The following SRBD1 variants were observed in gnomAD, a reference collection of about 807,000 sequenced individuals.
SRBD1 encodes S1 RNA binding domain 1.
A neutral mutation model predicts 115.3 loss-of-function variants in SRBD1; 88 were observed. That is an observed-to-expected ratio of 0.76 (90% confidence interval 0.64 to 0.91). SRBD1 has a LOEUF of 0.91. Ranked by LOEUF, SRBD1 falls within the 40% of genes least tolerant of loss-of-function variation. The pLI, the probability that SRBD1 is intolerant of heterozygous loss-of-function variation, is 0.00. For synonymous variants in SRBD1, 509 were observed against 407.7 expected (o/e 1.25, Z -2.99); for missense variants, 1,385 against 1,177.4 (o/e 1.18, Z -2.58).
chr2:45,419,720 G>A (rs928402246), intron 17 of SRBD1, 68 bp downstream of exon 17: 1 of 1,394,052 alleles, frequency 7.2e-7, no homozygotes, highest in Non-Finnish European at 1.0e-6. Context: ...CCTTCTTCTA[G>A]CCGAGTTTGG....
chr2:45,555,306 G>C (rs1412694345), intron 10 of SRBD1, among the ~76,000 whole-genome samples: 1 of 152,102 alleles, frequency 6.6e-6, no homozygotes, highest in African/African-American at 2.4e-5. Flanking sequence ...GATCACTTGA[G>C]CCCAGGAGGT....
chr2:45,505,052 C>T (rs1670756169), intron 14 of SRBD1, among the ~76,000 whole-genome samples: 1 of 151,800 alleles, frequency 6.6e-6, no homozygotes, highest in South Asian at 2.1e-4. Flanking sequence ...CACATAAACA[C>T]AACCGAGTCT....
intron 16 of SRBD1, among the ~76,000 whole-genome samples, chr2:45,436,713 C>A (rs370906810): frequency 1.3e-5 from 2 of 152,104 alleles, no homozygotes; most frequent in African/African-American, 2.4e-5. Flanking sequence ...GGGAAACCAC[C>A]CCCATGATCC....
intron 14 of SRBD1, among the ~76,000 whole-genome samples, chr2:45,513,792 TTTTG>T (rs1044797484): frequency 3.3e-5 from 5 of 152,112 alleles, no homozygotes; most frequent in African/African-American, 7.2e-5. Flanking sequence ...AACAGTTTTT[TTTTG>T]TTTGTTTGTT....
chr2:45,457,650 T>G lies in SRBD1; in HGVS notation c.2049+19343A>C, dbSNP rs145312148. On this transcript the variant is annotated intron_variant, in intron 16 of 20. Transcript: ENST00000263736. ...AGAAATGTCATTCTCACGGCGTATG[T>G]TAAAAAAATACCCCGACAAACACTT... Among the ~76,000 whole-genome samples, 305 of 152,110 alleles carry G rather than the reference T, an allele frequency of 2.0e-3. 2 individuals are homozygous for G. Among genetic ancestry groups the G allele is most frequent in the African/African-American group, 7.2e-3 (300 of 41,526 alleles).
chr2:45,496,593 T>C (rs3770275), intron 14 of SRBD1, among the ~76,000 whole-genome samples: 6,176 of 152,288 alleles, frequency 0.041, 223 homozygotes, highest in East Asian at 0.13. Context: ...CAATGGTTTC[T>C]GCTACATTCA....
intron 14 of SRBD1, among the ~76,000 whole-genome samples, chr2:45,509,456 C>T (rs978330533): frequency 5.9e-5 from 9 of 151,966 alleles, no homozygotes; most frequent in Admixed American, 2.0e-4. Flanking sequence ...ATTAGCCGGG[C>T]GCGGTGGTGG....
At chr2:45,513,387 C>G (rs559575532) in intron 14 of SRBD1, among the ~76,000 whole-genome samples, 2 of 150,582 alleles carry the variant, frequency 1.3e-5, no homozygotes, top group South Asian at 4.2e-4. Context: ...AGATTACAAG[C>G]TGAAAGTTCC....
intron 18 of SRBD1, 135 bp downstream of exon 18, chr2:45,418,230 A>C: frequency 1.0e-6 from 1 of 973,464 alleles, no homozygotes; most frequent in African/African-American, 1.6e-5. Flanking sequence ...ACCAAAGGAC[A>C]GTCACTCAAC....
At chr2:45,438,271 T>C (rs930314846) in intron 16 of SRBD1, among the ~76,000 whole-genome samples, 1 of 152,208 alleles carries the variant, frequency 6.6e-6, no homozygotes, top group Non-Finnish European at 1.5e-5. Context: ...AATTCAATAC[T>C]CTTTAAAGGA....
At chr2:45,436,045 G>T (rs1310871258) in intron 16 of SRBD1, among the ~76,000 whole-genome samples, 1 of 151,662 alleles carries the variant, frequency 6.6e-6, no homozygotes, top group African/African-American at 2.4e-5. Context: ...TCTATAAGAA[G>T]AATTATACAC....
At chr2:45,456,565 G>A (rs1270217029) in intron 16 of SRBD1, among the ~76,000 whole-genome samples, 1 of 151,824 alleles carries the variant, frequency 6.6e-6, no homozygotes, top group Non-Finnish European at 1.5e-5. Flanking sequence ...AATACATAAT[G>A]GGCATTTTGT....
At chr2:45,544,762 T>C (rs1189601142) in intron 14 of SRBD1, among the ~76,000 whole-genome samples, 1 of 152,156 alleles carries the variant, frequency 6.6e-6, no homozygotes, top group East Asian at 1.9e-4. Context: ...AGACATATAA[T>C]TTATATTTAT....
At chr2:45,537,162 ACATGAATCTGGATAG>A in intron 14 of SRBD1, among the ~76,000 whole-genome samples, 1 of 152,236 alleles carries the variant, frequency 6.6e-6, no homozygotes. Context: ...GATAAAGAGA[ACATGAATCTGGATAG>A]TATGGATAAA....
At chr2:45,505,999 T>C (rs1192812165) in intron 14 of SRBD1, among the ~76,000 whole-genome samples, 1 of 152,198 alleles carries the variant, frequency 6.6e-6, no homozygotes, top group Non-Finnish European at 1.5e-5. Context: ...TCTCCAGAGG[T>C]TAACACAATT....
chr2:45,407,685 G>T (rs1290389326), intron 19 of SRBD1, among the ~76,000 whole-genome samples: 1 of 152,140 alleles, frequency 6.6e-6, no homozygotes, highest in Non-Finnish European at 1.5e-5. Flanking sequence ...TCATCTTAGA[G>T]ATGAGGGATC....
chr2:45,398,675 A>C (rs1008588331), intron 19 of SRBD1, among the ~76,000 whole-genome samples: 3 of 152,306 alleles, frequency 2.0e-5, no homozygotes, highest in East Asian at 3.9e-4. Flanking sequence ...GCCATTTAAA[A>C]AGTCCCGAGA....
chr2:45,468,299 TCTTGA>T (rs1669550956), intron 16 of SRBD1, among the ~76,000 whole-genome samples: 1 of 152,140 alleles, frequency 6.6e-6, no homozygotes. Flanking sequence ...TCTTTCACAG[TCTTGA>T]CTTTACTAGT....
chr2:45,398,554 G>C (rs1005122170), intron 19 of SRBD1, among the ~76,000 whole-genome samples: 2 of 152,130 alleles, frequency 1.3e-5, no homozygotes, highest in African/African-American at 4.8e-5. Flanking sequence ...CTCATTGCAT[G>C]TTGCATTCAT....
Sources: gnomAD v4.1 joint callset for allele counts (sites outside exome capture counted in the v4.1 genomes callset) on GRCh38, gnomAD v4.1.1 for gene constraint, MANE v1.5 for transcripts, NCBI Gene and HGNC (gene_info 2026-07-23, HGNC 2026-07-21) for gene names.